Variants in SRGAP1 observed in about 807,000 individuals in gnomAD.
SRGAP1 encodes SLIT-ROBO Rho GTPase activating protein 1, also known as SLIT-ROBO Rho GTPase-activating protein 1.
In SRGAP1, 43 loss-of-function variants were observed where a neutral mutation model predicts 121.9. That is an observed-to-expected ratio of 0.35 (90% CI 0.28 to 0.46). The LOEUF is 0.46. Ranked by LOEUF, SRGAP1 falls within the 20% of genes least tolerant of loss-of-function variation. SRGAP1 has a pLI of 1.00. For missense variants in SRGAP1, 1,102 were observed against 1,350.9 expected, an observed-to-expected ratio of 0.82 and a Z score of 2.89; for synonymous variants, 447 against 485.4, an observed-to-expected ratio of 0.92 and a Z score of 1.04.
chr12:64,022,762 A>G (rs1376523264), intron 4 of SRGAP1, among the ~76,000 whole-genome samples: 1 of 152,198 alleles, frequency 6.6e-6, no homozygotes, highest in Non-Finnish European at 1.5e-5. Flanking sequence ...TGTTGAATGA[A>G]TGTTCTGAAG....
chr12:64,005,138 T>C (rs2034040574), intron 3 of SRGAP1, among the ~76,000 whole-genome samples: 1 of 152,202 alleles, frequency 6.6e-6, no homozygotes, highest in Non-Finnish European at 1.5e-5. Flanking sequence ...CAAGAAAATT[T>C]GCCAACTAAA....
intron 1 of SRGAP1, among the ~76,000 whole-genome samples, chr12:63,937,934 C>T (rs780568711): frequency 1.3e-5 from 2 of 152,218 alleles, no homozygotes; most frequent in Non-Finnish European, 2.9e-5. Flanking sequence ...GCACGGTTGG[C>T]CTGGAATCTC....
At chr12:64,020,304 A>G (rs1170396355) in intron 4 of SRGAP1, among the ~76,000 whole-genome samples, 5 of 152,200 alleles carry the variant, frequency 3.3e-5, no homozygotes, top group Admixed American at 3.3e-4. Context: ...TGATAGATAT[A>G]TAATACAATA....
At chr12:63,865,211 C>G (rs1899584193) in intron 1 of SRGAP1, among the ~76,000 whole-genome samples, 1 of 152,138 alleles carries the variant, frequency 6.6e-6, no homozygotes, top group South Asian at 2.1e-4. Context: ...AATCCTAGCA[C>G]TTTGGGAGGC....
At chr12:64,032,007 G>C (rs372911050) in intron 4 of SRGAP1, among the ~76,000 whole-genome samples, 3 of 152,138 alleles carry the variant, frequency 2.0e-5, no homozygotes, top group African/African-American at 7.2e-5. Flanking sequence ...AATTTACTAG[G>C]GGCAAAATCT....
At chr12:63,990,247 A>C (rs908697698) in intron 3 of SRGAP1, among the ~76,000 whole-genome samples, 175 bp downstream of exon 3, 4 of 152,184 alleles carry the variant, frequency 2.6e-5, no homozygotes, top group Admixed American at 2.0e-4. Flanking sequence ...AAGAGTTAAA[A>C]ATTAGGCCGG....
chr12:63,917,200 C>G (rs995211044), intron 1 of SRGAP1, among the ~76,000 whole-genome samples: 2 of 152,098 alleles, frequency 1.3e-5, no homozygotes, highest in South Asian at 2.1e-4. Context: ...TAAATACTGC[C>G]TGATACATAG....
rs1199339993 is a variant in SRGAP1, at chr12:64,146,709, C to G, written c.*4037C>G. 5 of 152,090 alleles carry G rather than the reference C, an allele frequency of 3.3e-5. No homozygotes were observed. The highest frequency in any genetic ancestry group is 1.9e-4 in the East Asian group (1 of 5,186). 9.4% of individuals were successfully genotyped at this position (152,090 alleles called of 1,614,324 possible). A position where few individuals can be genotyped will look rare whatever the true frequency, so the allele number is the denominator to read the frequency against. ...ACAGAGCAGCTTAGAAGTCTCTACC[C>G]AGGCGTAAATAGAGCTCCCTACTCC... On this transcript the variant is annotated 3_prime_UTR_variant, in exon 22 of 22. Coordinates refer to ENST00000355086, the MANE Select transcript of SRGAP1 (RefSeq NM_020762.4).
chr12:63,869,350 C>G (rs1666239814), intron 1 of SRGAP1, among the ~76,000 whole-genome samples: 1 of 152,176 alleles, frequency 6.6e-6, no homozygotes, highest in African/African-American at 2.4e-5. Context: ...GGAAGGCAAA[C>G]CCCTCATGGT....
At chr12:64,123,659 T>G (rs547038747) in intron 18 of SRGAP1, among the ~76,000 whole-genome samples, 3,126 of 149,506 alleles carry the variant, frequency 0.021, 131 homozygotes, top group African/African-American at 0.072. Flanking sequence ...TTTATTTATT[T>G]ATTTATTTAT....
intron 1 of SRGAP1, among the ~76,000 whole-genome samples, chr12:63,936,498 C>A (rs781197463): frequency 1.7e-4 from 26 of 152,220 alleles, no homozygotes; most frequent in Admixed American, 1.3e-4. Context: ...TTTTTGTAGA[C>A]ACTAAGAGAG....
In SRGAP1 at chr12:63,988,678, T is replaced by A. The variant is rs1199121775; in HGVS notation, c.264-1232T>A. Among the ~76,000 whole-genome samples the A allele has an allele frequency of 2.6e-5, 4 of 152,208 alleles. No homozygotes were observed. The East Asian group carries it at 7.7e-4, about 29-fold the overall frequency. ...TTCCTAACTTAATTAATATTCAGAG[T>A]CATACATGATCATAAATAATAGGAG... On this transcript the variant is annotated intron_variant, in intron 2 of 21. Coordinates refer to ENST00000355086, the MANE Select transcript of SRGAP1 (RefSeq NM_020762.4).
chr12:63,852,462 G>A (rs1899107927), intron 1 of SRGAP1, among the ~76,000 whole-genome samples: 1 of 152,178 alleles, frequency 6.6e-6, no homozygotes, highest in African/African-American at 2.4e-5. Context: ...GTTTCATGGT[G>A]GAATTTAAAA....
At chr12:63,924,459 A>G (rs1425535631) in intron 1 of SRGAP1, among the ~76,000 whole-genome samples, 1 of 152,194 alleles carries the variant, frequency 6.6e-6, no homozygotes, top group African/African-American at 2.4e-5. Flanking sequence ...CATATTTTAG[A>G]GATCATCTAG....
chr12:64,056,168 A>T (rs77224174), intron 6 of SRGAP1, among the ~76,000 whole-genome samples: 1 of 152,220 alleles, frequency 6.6e-6, no homozygotes, highest in Admixed American at 6.5e-5. Context: ...AAATCCTGTC[A>T]TCTTTACCTC....
intron 12 of SRGAP1, among the ~76,000 whole-genome samples, chr12:64,091,645 G>A (rs1244103372): frequency 1.3e-5 from 2 of 152,190 alleles, no homozygotes; most frequent in Non-Finnish European, 2.9e-5. Flanking sequence ...GCCATAATTT[G>A]TACAGAAAGT....
intron 8 of SRGAP1, among the ~76,000 whole-genome samples, chr12:64,065,858 A>G (rs1400253822): frequency 6.6e-6 from 1 of 152,266 alleles, no homozygotes; most frequent in Non-Finnish European, 1.5e-5. Context: ...ATGGTACTTG[A>G]ATGAGGATAG....
chr12:63,919,140 C>T (rs1382410029), intron 1 of SRGAP1, among the ~76,000 whole-genome samples: 1 of 152,058 alleles, frequency 6.6e-6, no homozygotes, highest in Non-Finnish European at 1.5e-5. Flanking sequence ...GCAACCTCCG[C>T]CTCACGGATT....
rs544108501 is a variant in SRGAP1, at chr12:63,984,408, A to G, written c.263+266A>G. ...CCAGAAGAGAAGGTATATGTTTGTA[A>G]AATTCTTGATTATAGAAACCCGGGA... On this transcript the variant is annotated intron_variant, in intron 2 of 21. Transcript: ENST00000355086. Among the ~76,000 whole-genome samples, 6 of 152,228 alleles carry G rather than the reference A, an allele frequency of 3.9e-5. No individual in the cohort carries two copies. In the South Asian group the frequency reaches 1.0e-3, roughly 26 times the overall value.
Sources: gnomAD v4.1 joint callset for allele counts (sites outside exome capture counted in the v4.1 genomes callset) on GRCh38, gnomAD v4.1.1 for gene constraint, MANE v1.5 for transcripts, NCBI Gene and HGNC (gene_info 2026-07-23, HGNC 2026-07-21) for gene names.